PCDH11X: variants seen among roughly 807,000 people sequenced by gnomAD.
PCDH11X encodes protocadherin 11 X-linked.
A neutral mutation model predicts 53.3 loss-of-function variants in PCDH11X; 18 were observed. That is an observed-to-expected ratio of 0.34 (90% confidence interval 0.23 to 0.50). The LOEUF is 0.50. Among genes scored for constraint, PCDH11X ranks in the 20% least tolerant of loss-of-function variants. The pLI is 0.98. For missense variants in PCDH11X, 570 were observed against 1,032.4 expected, an observed-to-expected ratio of 0.55 and a Z score of 6.14; for synonymous variants, 279 against 393.3, an observed-to-expected ratio of 0.71 and a Z score of 3.44.
chrX:92,460,080 G>T lies in PCDH11X; in HGVS notation c.3344-8219G>T, dbSNP rs774724929. ...AGACCATCGAGGACCTGAGGGCTCA[G>T]ATCTTCGCAAATACTGTGGACAATG... is the stretch of plus-strand genomic sequence containing the variant. On this transcript the variant is annotated intron_variant, in intron 9 of 10. Transcript: ENST00000682573. 5.0e-5 allele frequency: 50 copies of T among 1,007,970 alleles called. 1 individual carries two copies. Among genetic ancestry groups the T allele is most frequent in the Non-Finnish European group, 1.4e-6 (1 of 720,520 alleles). 83.1% of individuals were successfully genotyped at this position (1,007,970 alleles called of 1,213,427 possible). A position where few individuals can be genotyped will look rare whatever the true frequency, so the allele number is the denominator to read the frequency against.
chrX:92,017,828 T>C (rs1429332443), intron 6 of PCDH11X, among the ~76,000 whole-genome samples: 1 of 102,274 alleles, frequency 9.8e-6, no homozygotes, highest in Non-Finnish European at 2.0e-5. Flanking sequence ...ATGGCACCAG[T>C]AGATTTGCTT....
At chrX:91,902,334 G>T (rs2524564) in intron 6 of PCDH11X, among the ~76,000 whole-genome samples, 2,069 of 110,010 alleles carry the variant, frequency 0.019, 69 homozygotes, top group African/African-American at 0.063. Context: ...CAATGGACAT[G>T]TTTTATTTCC....
rs942510973 is a variant in PCDH11X at position 92,376,030 on chromosome X, A to G, written c.3145-11705A>G. ...ACTGTGCATATGTGAATGCATGTGC[A>G]TGTGTGTGTGTATTCTTCCTACCAT... On this transcript the variant is annotated intron_variant, in intron 8 of 10. Transcript: ENST00000682573. Among the ~76,000 whole-genome samples, 3 of 111,420 alleles carry G rather than the reference A, an allele frequency of 2.7e-5. No individual in the cohort carries two copies. The Admixed American group carries it at 2.9e-4, about 11-fold the overall frequency.
At chrX:91,799,472 G>C (rs189247569) in intron 1 of PCDH11X, among the ~76,000 whole-genome samples, 1 of 111,088 alleles carries the variant, frequency 9.0e-6, no homozygotes, top group East Asian at 2.8e-4. Context: ...AGCTTGATAA[G>C]GTTGTTTAAA....
At chrX:92,582,161 C>T (rs1362269185) in intron 10 of PCDH11X, among the ~76,000 whole-genome samples, 96 of 88,968 alleles carry the variant, frequency 1.1e-3, no homozygotes, top group African/African-American at 4.3e-3. Flanking sequence ...AAATTCAAGC[C>T]GGCTTCAGAA....
chrX:91,958,705 G>T (rs150608350), intron 6 of PCDH11X, among the ~76,000 whole-genome samples: 5,232 of 110,038 alleles, frequency 0.048, 125 homozygotes, highest in Middle Eastern at 0.065. Flanking sequence ...TATTTCAATT[G>T]AAGATGCTGA....
chrX:92,258,703 C>G (rs1056537256), intron 7 of PCDH11X, among the ~76,000 whole-genome samples: 2 of 111,993 alleles, frequency 1.8e-5, no homozygotes, highest in African/African-American at 6.5e-5. Context: ...TTAAATTCCT[C>G]CCCTGAAAAT....
intron 6 of PCDH11X, among the ~76,000 whole-genome samples, chrX:92,171,647 A>T (rs1216112959): frequency 9.1e-6 from 1 of 110,121 alleles, no homozygotes; most frequent in Admixed American, 9.8e-5. Flanking sequence ...TTTAGTAGAG[A>T]TGGGGTTTCA....
chrX:92,427,579 T>G (rs1384463514), intron 9 of PCDH11X, among the ~76,000 whole-genome samples: 1 of 39,696 alleles, frequency 2.5e-5, no homozygotes, highest in Non-Finnish European at 4.6e-5. Context: ...TAATAATGCT[T>G]ATTTTGTAAA....
At chrX:92,068,296 C>G (rs2063647229) in intron 6 of PCDH11X, among the ~76,000 whole-genome samples, 1 of 110,575 alleles carries the variant, frequency 9.0e-6, no homozygotes, top group Non-Finnish European at 1.9e-5. Flanking sequence ...TAGGCATTTA[C>G]AGCTATCAAT....
chrX:92,107,651 C>T (rs1004303121), intron 6 of PCDH11X, among the ~76,000 whole-genome samples: 18 of 112,314 alleles, frequency 1.6e-4, no homozygotes, highest in Non-Finnish European at 3.2e-4. Flanking sequence ...GCAGGAGAAT[C>T]GCTTGAACTC....
At chrX:92,253,683 T>C (rs910374864) in intron 7 of PCDH11X, among the ~76,000 whole-genome samples, 10 of 111,957 alleles carry the variant, frequency 8.9e-5, no homozygotes, top group African/African-American at 3.2e-4. Flanking sequence ...TTCTGGATTT[T>C]TGTTTTTATG....
At chrX:91,837,511 T>C (rs1025562660) in intron 5 of PCDH11X, among the ~76,000 whole-genome samples, 1 of 111,247 alleles carries the variant, frequency 9.0e-6, no homozygotes, top group Admixed American at 9.6e-5. Context: ...CACAGTTTTA[T>C]GCTTACCTCT....
chrX:91,780,618 C>A (rs1204898303), intron 1 of PCDH11X, among the ~76,000 whole-genome samples: 1 of 112,682 alleles, frequency 8.9e-6, no homozygotes. Flanking sequence ...CAGTTCACGT[C>A]CTCACAAAGG....
intron 9 of PCDH11X, among the ~76,000 whole-genome samples, chrX:92,422,274 C>T (rs748063277): frequency 3.7e-5 from 4 of 108,882 alleles, no homozygotes; most frequent in East Asian, 5.8e-4. Context: ...CAGCAGTGTA[C>T]ACTGTACCAA....
intron 6 of PCDH11X, among the ~76,000 whole-genome samples, chrX:92,088,211 T>C (rs914598099): frequency 1.5e-4 from 17 of 110,488 alleles, no homozygotes; most frequent in Admixed American, 4.9e-4. Flanking sequence ...ATAGGATCTT[T>C]AGGATATATA....
intron 10 of PCDH11X, among the ~76,000 whole-genome samples, chrX:92,559,604 G>A (rs1381994779): frequency 1.8e-5 from 2 of 111,474 alleles, no homozygotes; most frequent in Non-Finnish European, 3.8e-5. Context: ...TCATCTAATA[G>A]CAGAGGTCTT....
At chrX:92,320,764 C>T (rs1394907153) in intron 8 of PCDH11X, among the ~76,000 whole-genome samples, 1 of 111,269 alleles carries the variant, frequency 9.0e-6, no homozygotes, top group Non-Finnish European at 1.9e-5. Context: ...AGAAGCGTGC[C>T]TCCTGCAAAG....
intron 8 of PCDH11X, among the ~76,000 whole-genome samples, chrX:92,274,504 C>T (rs1317462831): frequency 9.0e-6 from 1 of 110,977 alleles, no homozygotes; most frequent in Admixed American, 9.6e-5. Context: ...GGAAAGGACT[C>T]TACCTGTCCA....
Sources: gnomAD v4.1 joint callset for allele counts (sites outside exome capture counted in the v4.1 genomes callset) on GRCh38, gnomAD v4.1.1 for gene constraint, MANE v1.5 for transcripts, NCBI Gene and HGNC (gene_info 2026-07-23, HGNC 2026-07-21) for gene names.